Variants in GNB5 observed in about 807,000 individuals in gnomAD.
GNB5 encodes the protein G protein subunit beta 5.
A neutral mutation model predicts 55.3 loss-of-function variants in GNB5; 37 were observed. That is an observed-to-expected ratio of 0.67 (90% CI 0.51 to 0.88). The LOEUF (loss-of-function observed/expected upper bound fraction) is 0.88, where lower values mean the gene tolerates loss of function less well. GNB5 is among the 40% of genes least tolerant of loss of function. The probability of loss-of-function intolerance (pLI) is 0.00; values close to 1 mark genes in which losing one functional copy is unlikely to be tolerated. For synonymous variants in GNB5, 219 were observed against 198.5 expected (o/e 1.10, Z -0.87); for missense variants, 476 against 515.3 (o/e 0.92, Z 0.74).
intron 10 of GNB5, among the ~76,000 whole-genome samples, chr15:52,127,326 T>C (rs781186345): frequency 6.6e-6 from 1 of 152,214 alleles, no homozygotes; most frequent in Non-Finnish European, 1.5e-5. Context: ...TTACTTGCCA[T>C]TGTGGATTCA....
intron 1 of GNB5, among the ~76,000 whole-genome samples, chr15:52,185,031 T>C (rs2034824971): frequency 6.6e-6 from 1 of 152,242 alleles, no homozygotes; most frequent in Admixed American, 6.5e-5. Flanking sequence ...TAATGGATGC[T>C]ATAACTTAAA....
chr15:52,141,422 T>A (rs1295358096), intron 6 of GNB5, 150 bp from the exon 7 acceptor site: 2 of 646,100 alleles, frequency 3.1e-6, no homozygotes, highest in Non-Finnish European at 5.1e-6. Flanking sequence ...AAGATTTTCT[T>A]TTCTTTCTTT....
chr15:52,181,929 T>TATAA (rs1181874596), intron 2 of GNB5, among the ~76,000 whole-genome samples: 1 of 151,912 alleles, frequency 6.6e-6, no homozygotes, highest in African/African-American at 2.4e-5. Flanking sequence ...TGAATAAATA[T>TATAA]ATAAATACAA....
chr15:52,168,676 A>G (rs1332508892), intron 3 of GNB5, among the ~76,000 whole-genome samples: 1 of 152,224 alleles, frequency 6.6e-6, no homozygotes, highest in African/African-American at 2.4e-5. Flanking sequence ...ATCCTCAGCA[A>G]AAGGAACAAA....
At position 52,119,561 on chromosome 15, in the gene GNB5, A is replaced by G. The variant is rs2033218359; in HGVS notation, c.*3196T>C. On this transcript the variant is annotated 3_prime_UTR_variant, in exon 13 of 13. Transcript: ENST00000261837. ...AGGTGGAGGGAGAAGGGAGGGGGGCAAATAGGAAGGGGACTGAGGAGGACA... is the reference window on the plus strand; with the variant it reads ...AGGTGGAGGGAGAAGGGAGGGGGGCGAATAGGAAGGGGACTGAGGAGGACA... 1 of 148,420 alleles carries G rather than the reference A, an allele frequency of 6.7e-6. No individual in the cohort carries two copies. The allele number at this position is 148,420 out of a possible 1,614,324, so 9.2% of individuals were successfully genotyped here. A position where few individuals can be genotyped will look rare whatever the true frequency, so the allele number is the denominator to read the frequency against.
chr15:52,164,814 A>C (rs1478835950), intron 3 of GNB5, among the ~76,000 whole-genome samples: 2 of 152,120 alleles, frequency 1.3e-5, no homozygotes, highest in African/African-American at 2.4e-5. Context: ...TCTCCACGTG[A>C]TCACAGCATC....
In GNB5 at chr15:52,149,911, G is replaced by A. The variant is rs759942669; in HGVS notation, c.390C>T (p.Ile130=). ...IVSSSQDGKV[I]VWDSFTTNKE... is the part of the protein sequence containing the mutation. The stretch of plus-strand genomic sequence containing the variant: ...TGTTTGTGGTGAAGGAATCCCACAC[G>A]ATCACCTTCCCATCCTGGAGGGAGA... The change falls in exon 5 of 13, where the codon ATC becomes ATT. Residue 130 remains isoleucine (I), a synonymous_variant. Coordinates refer to ENST00000261837, the MANE Select transcript of GNB5 (RefSeq NM_016194.4). The A allele has an allele frequency of 5.0e-6, 8 of 1,611,678 alleles. No individual in the cohort carries two copies. The highest frequency in any genetic ancestry group is 1.6e-4 in the Middle Eastern group (1 of 6,062).
At chr15:52,139,949 C>T in intron 7 of GNB5, 1 of 1,283,842 alleles carries the variant, frequency 7.8e-7, no homozygotes, top group Non-Finnish European at 1.0e-6. Flanking sequence ...CCTAAATGTC[C>T]TCTGTTGCTT....
intron 11 of GNB5, chr15:52,125,119 G>T (rs1190808510): frequency 6.5e-6 from 1 of 154,530 alleles, no homozygotes; most frequent in Non-Finnish European, 1.4e-5. Context: ...TTAGTCTAGG[G>T]ATGTGTCTGG....
chr15:52,158,238 C>G (rs554051694), intron 3 of GNB5, among the ~76,000 whole-genome samples: 3 of 152,154 alleles, frequency 2.0e-5, no homozygotes, highest in Non-Finnish European at 4.4e-5. Flanking sequence ...ACCAGCTGCA[C>G]AACCTCGAGC....
intron 4 of GNB5, among the ~76,000 whole-genome samples, chr15:52,151,316 C>T (rs955264491): frequency 2.6e-5 from 4 of 152,192 alleles, no homozygotes; most frequent in African/African-American, 9.6e-5. Flanking sequence ...TCTTCCACCT[C>T]ACTGCCTGCC....
Position 52,184,574 on chromosome 15 carries a change from A to G in GNB5, c.103T>C (p.Tyr35His), listed in dbSNP as rs1172366711. 6.2e-7 allele frequency: 1 copy of G among 1,613,626 alleles called. No homozygotes were observed. Among genetic ancestry groups the G allele is most frequent in the Non-Finnish European group, 8.5e-7 (1 of 1,179,600 alleles). The change falls in exon 2 of 13, where the codon TAC becomes CAC. Residue 35 changes from tyrosine to histidine, a missense_variant. Tyr to His is a moderately conservative substitution (Grantham distance 83). Transcript: ENST00000261837. ...ACAATTTCTGCACATGTTGAACAGT[A>G]GCTGAGTTGTTGAGACTTCTTGAAA... is the stretch of plus-strand genomic sequence containing the variant. ...PVFKKSQQLS[Y>H]CSTCAEIMAT... is the part of the protein sequence containing the mutation.
chr15:52,137,878 C>T lies in GNB5; in HGVS notation c.628-2122G>A, dbSNP rs371525639. ...CAGGGCCTGGGTGAGGTGATAAGAC[C>T]GTGGAGGAAGTGGCTCTTGCAGCAT... is the stretch of plus-strand genomic sequence containing the variant. On this transcript the variant is annotated intron_variant, in intron 7 of 12. Transcript: ENST00000261837. 39 of 1,286,692 alleles carry T rather than the reference C, an allele frequency of 3.0e-5. 1 individual carries two copies. In the Admixed American group the frequency reaches 4.4e-4, roughly 14 times the overall value. 79.7% of individuals were successfully genotyped at this position (1,286,692 alleles called of 1,614,324 possible).
At position 52,154,180 on chromosome 15, in the gene GNB5, G is replaced by A. The variant is rs1368737071; in HGVS notation, c.239-104C>T. 5.8e-6 allele frequency: 6 copies of A among 1,030,320 alleles called. No homozygotes were observed. The East Asian group carries it at 1.3e-4, about 22-fold the overall frequency. The allele number at this position is 1,030,320 out of a possible 1,614,324, so 63.8% of individuals were successfully genotyped here. ...GTTCCGCAGAGGGAGGCGGCCCCAT[G>A]GGCTTCCTCCATAACAAGCCACAGC... is the stretch of plus-strand genomic sequence containing the variant. On this transcript the variant is annotated intron_variant, in intron 3 of 12. Transcript: ENST00000261837.
In GNB5 at chr15:52,186,928, G is replaced by A. The variant is rs551670215; in HGVS notation, c.-18-2234C>T. Among the ~76,000 whole-genome samples the A allele has an allele frequency of 4.6e-5, 7 of 152,290 alleles. No individual in the cohort carries two copies. The South Asian group carries it at 1.0e-3, about 23-fold the overall frequency. On this transcript the variant is annotated intron_variant, in intron 1 of 12. Coordinates refer to ENST00000261837, the MANE Select transcript of GNB5 (RefSeq NM_016194.4). ...GGGCATCCCTTAGGGACAACAGCTC[G>A]CAAGGAAACCAGCTACCAACTGCCA...
chr15:52,180,040 C>T, intron 2 of GNB5, 161 bp from the exon 3 acceptor site: 1 of 933,502 alleles, frequency 1.1e-6, no homozygotes, highest in Non-Finnish European at 1.4e-6. Flanking sequence ...GCGCCTGAGC[C>T]CCAAGACCCC....
At chr15:52,164,383 C>T (rs2034407030) in intron 3 of GNB5, among the ~76,000 whole-genome samples, 1 of 150,094 alleles carries the variant, frequency 6.7e-6, no homozygotes, top group African/African-American at 2.5e-5. Flanking sequence ...CTTTGGGAGG[C>T]CGAGGCGGGC....
At chr15:52,181,414 G>A (rs564839745) in intron 2 of GNB5, among the ~76,000 whole-genome samples, 70 of 152,168 alleles carry the variant, frequency 4.6e-4, no homozygotes, top group African/African-American at 1.6e-3. Context: ...TCAGGAGTTC[G>A]AAACCAGCCT....
rs17650194 is a variant in GNB5, at chr15:52,125,830, C to T, written c.1009+118G>A. 5.6e-3 allele frequency: 3,472 copies of T among 624,538 alleles called. 73 individuals are homozygous for T. The highest frequency in any genetic ancestry group is 0.035 in the Admixed American group (1,339 of 37,976). 38.7% of individuals were successfully genotyped at this position (624,538 alleles called of 1,614,324 possible). On this transcript the variant is annotated intron_variant, in intron 11 of 12. Transcript: ENST00000261837. ...AAACTGGTGCAAATATGGATGATTTCGCATACTGGTCCACAGGAAGCTCAG... is the reference window on the plus strand; with the variant it reads ...AAACTGGTGCAAATATGGATGATTTTGCATACTGGTCCACAGGAAGCTCAG...
Sources: gnomAD v4.1 joint callset for allele counts (sites outside exome capture counted in the v4.1 genomes callset) on GRCh38, gnomAD v4.1.1 for gene constraint, MANE v1.5 for transcripts, NCBI Gene and HGNC (gene_info 2026-07-23, HGNC 2026-07-21) for gene names.